The following ADRA1A variants were observed in gnomAD, a reference collection of about 807,000 sequenced individuals.
ADRA1A encodes adrenoceptor alpha 1A.
A neutral mutation model predicts 29.6 loss-of-function variants in ADRA1A; 31 were observed. That is an observed-to-expected ratio of 1.05 (90% CI 0.79 to 1.41). The LOEUF (loss-of-function observed/expected upper bound fraction) is 1.41, where lower values mean the gene tolerates loss of function less well. ADRA1A is among the 40% of genes most tolerant of loss of function. The pLI is 0.00. For synonymous variants in ADRA1A, 311 were observed against 254.3 expected (o/e 1.22, Z -2.12); for missense variants, 619 against 601.1 (o/e 1.03, Z -0.31).
At position 26,801,216 on chromosome 8, in the gene ADRA1A, C is replaced by T. The variant is rs1585717999; in HGVS notation, c.884-30550G>A. Among the ~76,000 whole-genome samples, 3 of 152,042 alleles carry T rather than the reference C, an allele frequency of 2.0e-5. No homozygotes were observed. In the East Asian group the frequency reaches 5.8e-4, roughly 29 times the overall value. On this transcript the variant is annotated intron_variant, in intron 2 of 2. Coordinates refer to ENST00000380573, the MANE Select transcript of ADRA1A (RefSeq NM_000680.4). ...AAAGCCTTTCCTCTAAGTTCTAGAA[C>T]AAGACAAGCATGTTCACTTTCACTG...
At chr8:26,785,164 T>G (rs1251853665) in intron 2 of ADRA1A, among the ~76,000 whole-genome samples, 1 of 152,174 alleles carries the variant, frequency 6.6e-6, no homozygotes, top group Non-Finnish European at 1.5e-5. Flanking sequence ...AAGGTGTACA[T>G]TAGAAGCATT....
chr8:26,758,573 G>A (rs2130190241), intron 2 of ADRA1A, among the ~76,000 whole-genome samples: 1 of 152,314 alleles, frequency 6.6e-6, no homozygotes, highest in South Asian at 2.1e-4. Context: ...AATGGCTCAA[G>A]AGAGGTCACG....
At chr8:26,766,202 C>T (rs538311100), downstream of ADRA1A, 15 of 1,180,420 alleles carry the variant, frequency 1.3e-5, no homozygotes, top group Middle Eastern at 3.8e-4. Flanking sequence ...TGAGTTATGT[C>T]GTATTTGCTT....
At chr8:26,756,090 A>C (rs1805153011), downstream of ADRA1A, among the ~76,000 whole-genome samples, 1 of 152,252 alleles carries the variant, frequency 6.6e-6, no homozygotes, top group African/African-American at 2.4e-5. Flanking sequence ...TTTGGCAATA[A>C]AACTTTAAAG....
chr8:26,756,722 G>A (rs2130176925), exon 3 of ADRA1A: 3 of 1,614,078 alleles, frequency 1.9e-6, no homozygotes, highest in East Asian at 2.2e-5. Flanking sequence ...CCCTTCCTTG[G>A]GCAGTAAGGA....
chr8:26,863,349 T>G (rs957250800), intron 2 of ADRA1A, among the ~76,000 whole-genome samples: 2 of 152,206 alleles, frequency 1.3e-5, no homozygotes. Flanking sequence ...TTATGTGTAC[T>G]GTATTATTTT....
chr8:26,781,522 G>T (rs770101684), intron 2 of ADRA1A, among the ~76,000 whole-genome samples: 6 of 152,204 alleles, frequency 3.9e-5, no homozygotes, highest in African/African-American at 9.6e-5. Flanking sequence ...TGCAGAAACA[G>T]AGCCTGTCTT....
At chr8:26,842,385 A>G (rs140518889) in intron 2 of ADRA1A, among the ~76,000 whole-genome samples, 9 of 152,146 alleles carry the variant, frequency 5.9e-5, no homozygotes, top group Non-Finnish European at 1.3e-4. Flanking sequence ...TCTGGAACCA[A>G]CTCCTCTCCC....
At chr8:26,797,987 C>CTTTTTTTT (rs35607881) in intron 2 of ADRA1A, among the ~76,000 whole-genome samples, 1 of 148,484 alleles carries the variant, frequency 6.7e-6, no homozygotes, top group African/African-American at 2.5e-5. Context: ...GTAAGTTAGT[C>CTTTTTTTT]TTTTTTTTTT....
intron 2 of ADRA1A, among the ~76,000 whole-genome samples, chr8:26,853,084 T>A (rs1490666906): frequency 6.6e-6 from 1 of 152,050 alleles, no homozygotes; most frequent in Non-Finnish European, 1.5e-5. Flanking sequence ...AATGTTTAAT[T>A]TAACAAAATT....
At chr8:26,790,463 G>T (rs1807736947) in intron 2 of ADRA1A, among the ~76,000 whole-genome samples, 1 of 152,078 alleles carries the variant, frequency 6.6e-6, no homozygotes, top group Non-Finnish European at 1.5e-5. Context: ...GAAGAATCGT[G>T]GGGAGGGGGA....
chr8:26,818,281 CTG>C (rs1809902953), intron 2 of ADRA1A, among the ~76,000 whole-genome samples: 1 of 152,182 alleles, frequency 6.6e-6, no homozygotes, highest in African/African-American at 2.4e-5. Flanking sequence ...ACTCACAGAA[CTG>C]GACACTACAA....
At chr8:26,774,723 C>T (rs115679789) in intron 2 of ADRA1A, among the ~76,000 whole-genome samples, 143 of 151,798 alleles carry the variant, frequency 9.4e-4, no homozygotes, top group African/African-American at 3.4e-3. Context: ...TGACATTATT[C>T]CCATCCACGT....
At chr8:26,797,455 C>G (rs1808262413) in intron 2 of ADRA1A, among the ~76,000 whole-genome samples, 1 of 151,894 alleles carries the variant, frequency 6.6e-6, no homozygotes, top group Non-Finnish European at 1.5e-5. Context: ...AGCCACCATG[C>G]CTGGCTAATT....
intron 2 of ADRA1A, among the ~76,000 whole-genome samples, chr8:26,847,970 A>C (rs1777388114): frequency 6.6e-6 from 1 of 152,194 alleles, no homozygotes; most frequent in Non-Finnish European, 1.5e-5. Flanking sequence ...TTTATTTTGC[A>C]CAAAGAGTTC....
chr8:26,850,028 A>AAAACAAAAAACAAAT (rs1380338391), intron 2 of ADRA1A, among the ~76,000 whole-genome samples: 1 of 146,934 alleles, frequency 6.8e-6, no homozygotes, highest in African/African-American at 2.5e-5. Context: ...AGAAATGCAA[A>AAAACAAAAAACAAAT]AACAAAAAAC....
chr8:26,772,883 A>ACACG (rs79239280), intron 2 of ADRA1A, among the ~76,000 whole-genome samples: 16 of 151,728 alleles, frequency 1.1e-4, no homozygotes, highest in South Asian at 2.1e-4. Context: ...ACACACACAC[A>ACACG]ATGGGTGTTT....
intron 2 of ADRA1A, among the ~76,000 whole-genome samples, chr8:26,855,903 C>G (rs930868730): frequency 6.6e-6 from 1 of 152,212 alleles, no homozygotes; most frequent in Non-Finnish European, 1.5e-5. Context: ...GTCCTCATAT[C>G]CACCATGAAA....
chr8:26,862,844 T>G (rs1490035958), intron 2 of ADRA1A, among the ~76,000 whole-genome samples: 1 of 152,220 alleles, frequency 6.6e-6, no homozygotes, highest in Non-Finnish European at 1.5e-5. Context: ...AGAATTTTAT[T>G]TAATTTCAAT....
Sources: allele counts gnomAD v4.1 joint callset (sites outside exome capture counted in the v4.1 genomes callset), GRCh38; gene constraint gnomAD v4.1.1; transcripts MANE v1.5; gene names NCBI Gene and HGNC (gene_info 2026-07-23, HGNC 2026-07-21).